The following BCL6B variants were observed in gnomAD, a reference collection of about 807,000 sequenced individuals.
BCL6B encodes BCL6B transcription repressor, also known as B-cell CLL/lymphoma 6 member B protein.
A neutral mutation model predicts 44.6 loss-of-function variants in BCL6B; 28 were observed. The observed-to-expected ratio is 0.63, with a 90% CI of 0.47 to 0.86. BCL6B has a LOEUF of 0.86. BCL6B is among the 40% of genes least tolerant of loss of function. The pLI, the probability that BCL6B is intolerant of heterozygous loss-of-function variation, is 0.00. For synonymous variants in BCL6B, 268 were observed against 263.6 expected (o/e 1.02, Z -0.16); for missense variants, 626 against 652.3 (o/e 0.96, Z 0.44).
At position 7,027,017 on chromosome 17, in the gene BCL6B, G is replaced by A. The variant is rs1910314883; in HGVS notation, c.1253G>A (p.Gly418Glu). The A allele has an allele frequency of 6.2e-7, 1 of 1,613,572 alleles. No individual in the cohort carries two copies. Among genetic ancestry groups the A allele is most frequent in the South Asian group, 1.1e-5 (1 of 91,080 alleles). ...AAGCCCTACCCTTGCCCTACCTGCG[G>A]AACCCGCTTCCGCCACCTGCAGACC... ...GEKPYPCPTCGTRFRHLQTLK... is the reference protein window; with the variant it reads ...GEKPYPCPTCETRFRHLQTLK... The change falls in exon 8 of 9, where the codon GGA becomes GAA. Residue 418 changes from glycine to glutamate, a missense_variant. Gly to Glu is a moderately conservative substitution (Grantham distance 98). Transcript: ENST00000293805.
At chr17:7,027,160 T>G in intron 8 of BCL6B, 73 bp downstream of exon 8, 3 of 1,576,378 alleles carry the variant, frequency 1.9e-6, no homozygotes, top group Non-Finnish European at 2.6e-6. Flanking sequence ...CTCTGAGAGG[T>G]GCGGGCCTGG....
In BCL6B at chr17:7,024,450, A is replaced by G; in HGVS notation, c.451A>G (p.Thr151Ala). Residue 151 changes from threonine to alanine, a missense_variant, in exon 4 of 9, where the codon ACA becomes GCA. By Grantham distance (58) the Thr-to-Ala change is moderately conservative. Transcript: ENST00000293805. The surrounding 1 kb of genome is among the most constrained non-coding windows in gnomAD (Gnocchi z 6.6). The part of the protein sequence containing the change: ...SLRPLEAEPP[T>A]PPTAPPPGSP... ...GCGCCCCCTGGAAGCAGAACCCCCA[A>G]CACCCCCAACGGCCCCTCCACCAGG... The G allele has an allele frequency of 6.2e-7, 1 of 1,613,320 alleles. No individual in the cohort carries two copies. The highest frequency in any genetic ancestry group is 8.5e-7 in the Non-Finnish European group (1 of 1,179,806).
At chr17:7,023,428 C>A in intron 1 of BCL6B, 1 of 510,408 alleles carries the variant, frequency 2.0e-6, no homozygotes, top group African/African-American at 2.0e-5. Context: ...AACGACGCCG[C>A]GGTGTGGAAC....
In BCL6B at chr17:7,024,929, C is replaced by T; in HGVS notation, c.765-147C>T. 6.8e-7 allele frequency: 1 copy of T among 1,474,546 alleles called. No homozygotes were observed. Among genetic ancestry groups the T allele is most frequent in the Non-Finnish European group, 9.0e-7 (1 of 1,107,078 alleles). The allele number at this position is 1,474,546 out of a possible 1,614,324, so 91.3% of individuals were successfully genotyped here. A position where few individuals can be genotyped will look rare whatever the true frequency, so the allele number is the denominator to read the frequency against. ...ACCAGGTTTATTCAGCAGGGTGGCA[C>T]TTGGGCAGTACAATGGATGTGGCTC... On this transcript the variant is annotated intron_variant, in intron 4 of 8. Transcript: ENST00000293805. The surrounding 1 kb of genome is among the most constrained non-coding windows in gnomAD (Gnocchi z 6.6).
At position 7,028,996 on chromosome 17, in the gene BCL6B, T is replaced by A; in HGVS notation, c.*1377T>A. The stretch of plus-strand genomic sequence containing the variant: ...CTGGGTCTGTGACCTGGTCTTCCCA[T>A]CCCTGCATTCCTGTCTGGAACCAGT... On this transcript the variant is annotated 3_prime_UTR_variant, in exon 9 of 9. Transcript: ENST00000293805. 1 of 985,466 alleles carries A rather than the reference T, an allele frequency of 1.0e-6. No individual in the cohort carries two copies. Among genetic ancestry groups the A allele is most frequent in the Non-Finnish European group, 1.2e-6 (1 of 829,946 alleles). The allele number at this position is 985,466 out of a possible 1,614,324, so 61.0% of individuals were successfully genotyped here. A position where few individuals can be genotyped will look rare whatever the true frequency, so the allele number is the denominator to read the frequency against.
chr17:7,024,812 A>G lies in BCL6B; in HGVS notation c.764+49A>G. On this transcript the variant is annotated intron_variant, in intron 4 of 8. Coordinates refer to ENST00000293805, the MANE Select transcript of BCL6B (RefSeq NM_181844.4). This position sits in a 1 kb window ranked among gnomAD's most constrained non-coding sequence, Gnocchi z 6.6. The stretch of plus-strand genomic sequence containing the variant: ...ATTTGTCAGAGCTGGCCTCAGCTAG[A>G]AGACAGAGTCATTGGGCCTTGATGG... The G allele has an allele frequency of 1.3e-6, 2 of 1,543,562 alleles. No homozygotes were observed. Among genetic ancestry groups the G allele is most frequent in the Non-Finnish European group, 1.7e-6 (2 of 1,145,212 alleles).
In BCL6B at chr17:7,028,652, A is replaced by AG. The variant is rs1198245617; in HGVS notation, c.*1034dup. ...CCACGGGGGCCTGTTCTTAGCACTG[A>AG]GTTGATCGCTCCATGGGGGAGAGAT... On this transcript the variant is annotated 3_prime_UTR_variant, in exon 9 of 9. Transcript: ENST00000293805. 1 of 985,318 alleles carries AG rather than the reference A, an allele frequency of 1.0e-6. No individual in the cohort carries two copies. The highest frequency in any genetic ancestry group is 1.2e-6 in the Non-Finnish European group (1 of 829,948). 61.0% of individuals were successfully genotyped at this position (985,318 alleles called of 1,614,324 possible). A position where few individuals can be genotyped will look rare whatever the true frequency, so the allele number is the denominator to read the frequency against.
In BCL6B at chr17:7,026,744, T is replaced by C; in HGVS notation, c.1094T>C (p.Phe365Ser). ...PYHCSICGAR[F>S]NRPANLKTHS... ...CACTGCTCAATCTGCGGAGCCCGTT[T>C]TAACCGGCCAGCAAACCTGAAAACG... The change falls in exon 7 of 9, where the codon TTT becomes TCT. Residue 365 changes from phenylalanine (F) to serine (S), a missense_variant. Phe to Ser is a radical substitution (Grantham distance 155). Transcript: ENST00000293805. 6.2e-7 allele frequency: 1 copy of C among 1,614,226 alleles called. No homozygotes were observed. The highest frequency in any genetic ancestry group is 8.5e-7 in the Non-Finnish European group (1 of 1,180,038).
Position 7,029,255 on chromosome 17 carries a change from G to T in BCL6B, c.*1636G>T. 8.1e-6 allele frequency: 8 copies of T among 986,642 alleles called. No homozygotes were observed. The highest frequency in any genetic ancestry group is 8.4e-6 in the Non-Finnish European group (7 of 830,776). 61.1% of individuals were successfully genotyped at this position (986,642 alleles called of 1,614,324 possible). On this transcript the variant is annotated 3_prime_UTR_variant, in exon 9 of 9. Transcript: ENST00000293805. Reference sequence around the variant, plus strand: ...AAGTGAGGAACAGGGTTGCCTCTTGGCTGGGTGGAGTCTCTGAAATGTTAG... The same window carrying T: ...AAGTGAGGAACAGGGTTGCCTCTTGTCTGGGTGGAGTCTCTGAAATGTTAG...
Position 7,029,509 on chromosome 17 carries a change from GA to G in BCL6B, c.*1892del. The G allele has an allele frequency of 9.5e-7, 1 of 1,056,388 alleles. No homozygotes were observed. The highest frequency in any genetic ancestry group is 1.1e-6 in the Non-Finnish European group (1 of 870,060). 65.4% of individuals were successfully genotyped at this position (1,056,388 alleles called of 1,614,324 possible). A position where few individuals can be genotyped will look rare whatever the true frequency, so the allele number is the denominator to read the frequency against. ...CTGCAGAATTAAAGAAGGAAGAAGG[GA>G]AGGCGGAGGAGTCTATAAGAAGGAA... On this transcript the variant is annotated 3_prime_UTR_variant, in exon 9 of 9. Transcript: ENST00000293805.
At chr17:7,025,270 A>T (rs1269580926) in intron 5 of BCL6B, 70 bp downstream of exon 5, 3 of 1,582,168 alleles carry the variant, frequency 1.9e-6, no homozygotes, top group Non-Finnish European at 2.6e-6. Context: ...AAACTCTCCC[A>T]GAAAGGCCTA....
At chr17:7,023,387 G>A (rs879819206) in intron 1 of BCL6B, 11 of 453,142 alleles carry the variant, frequency 2.4e-5, no homozygotes, top group Non-Finnish European at 3.9e-5. Context: ...TCGAACCCAG[G>A]GCGATGGGCG....
intron 8 of BCL6B, among the ~76,000 whole-genome samples, 155 bp from the exon 9 acceptor site, chr17:7,027,348 C>T (rs1910325897): frequency 6.6e-6 from 1 of 152,190 alleles, no homozygotes; most frequent in Non-Finnish European, 1.5e-5. Flanking sequence ...GGCCTATCCC[C>T]TCAGCCACCC....
At position 7,025,089 on chromosome 17, in the gene BCL6B, G is replaced by A; in HGVS notation, c.778G>A (p.Ala260Thr). ...CCATCTGCCTAGGCTCTCTCCAACT[G>A]CTGCCACTGTGCAGTTCAAATGTGG... ...PGPQSRLSPT[A>T]ATVQFKCGAP... is the part of the protein sequence containing the mutation. The change falls in exon 5 of 9, where the codon GCT becomes ACT. Residue 260 changes from alanine (A) to threonine (T), a missense_variant. By Grantham distance (58) the Ala-to-Thr change is moderately conservative. Coordinates refer to ENST00000293805, the MANE Select transcript of BCL6B (RefSeq NM_181844.4). 1.2e-6 allele frequency: 2 copies of A among 1,613,742 alleles called. No homozygotes were observed. The highest frequency in any genetic ancestry group is 1.7e-6 in the Non-Finnish European group (2 of 1,179,960).
At chr17:7,023,351 T>G (rs1597339594) in intron 1 of BCL6B, 2 of 361,240 alleles carry the variant, frequency 5.5e-6, no homozygotes, top group Non-Finnish European at 1.0e-5. Context: ...CAGAGGGGAG[T>G]GGCGGTGCTG....
chr17:7,027,015 C>G lies in BCL6B; in HGVS notation c.1251C>G (p.Cys417Trp). ...AGAAGCCCTACCCTTGCCCTACCTG[C>G]GGAACCCGCTTCCGCCACCTGCAGA... is the stretch of plus-strand genomic sequence containing the variant. ...TGEKPYPCPT[C>W]GTRFRHLQTL... The change falls in exon 8 of 9, where the codon TGC becomes TGG. Residue 417 changes from cysteine to tryptophan, a missense_variant. Cys to Trp is a radical substitution (Grantham distance 215). Transcript: ENST00000293805. 6.2e-7 allele frequency: 1 copy of G among 1,613,684 alleles called. No individual in the cohort carries two copies. The highest frequency in any genetic ancestry group is 1.1e-5 in the South Asian group (1 of 91,078).
Position 7,028,034 on chromosome 17 carries a change from T to C in BCL6B, c.*415T>C, listed in dbSNP as rs1910350048. 2.0e-6 allele frequency: 2 copies of C among 1,005,294 alleles called. No homozygotes were observed. The highest frequency in any genetic ancestry group is 1.7e-5 in the African/African-American group (1 of 57,626). 62.3% of individuals were successfully genotyped at this position (1,005,294 alleles called of 1,614,324 possible). ...CCACTCCCCTCTTCCACAAGTGTGA[T>C]TAAAAGTGACCAGAAACACAGAAGG... On this transcript the variant is annotated 3_prime_UTR_variant, in exon 9 of 9. Transcript: ENST00000293805.
chr17:7,027,361 G>A, intron 8 of BCL6B, 142 bp from the exon 9 acceptor site: 1 of 1,071,258 alleles, frequency 9.3e-7, no homozygotes, highest in Non-Finnish European at 1.4e-6. Flanking sequence ...AGCCACCCCT[G>A]AGGATTTGGG....
Position 7,023,761 on chromosome 17 carries a change from G to A in BCL6B, c.90G>A (p.Glu30=), listed in dbSNP as rs771079114. The change falls in exon 2 of 9, where the codon GAG becomes GAA. Residue 30 remains glutamate, a synonymous_variant. Transcript: ENST00000293805. ...CCGACGTGCTGGGCAACCTCAACGA[G>A]CTGCGCCTGCGCGGGATCCTCACTG... is the stretch of plus-strand genomic sequence containing the variant. ...HSSDVLGNLN[E]LRLRGILTDV... is the part of the protein sequence containing the mutation. 4.3e-6 allele frequency: 7 copies of A among 1,613,460 alleles called. No homozygotes were observed. Among genetic ancestry groups the A allele is most frequent in the Non-Finnish European group, 5.1e-6 (6 of 1,180,046 alleles).
Sources: allele counts gnomAD v4.1 joint callset (sites outside exome capture counted in the v4.1 genomes callset), GRCh38; gene constraint gnomAD v4.1.1; non-coding constraint Gnocchi (gnomAD v3.1); transcripts MANE v1.5; gene names NCBI Gene and HGNC (gene_info 2026-07-23, HGNC 2026-07-21).